The following MEGF10 variants were observed in gnomAD, a reference collection of about 807,000 sequenced individuals.
The protein encoded by MEGF10 is multiple EGF like domains 10.
A neutral mutation model predicts 147.5 loss-of-function variants in MEGF10; 86 were observed. That is an observed-to-expected ratio of 0.58 (90% CI 0.49 to 0.70). The LOEUF is 0.70. MEGF10 is among the 30% of genes least tolerant of loss of function. The pLI, the probability that MEGF10 is intolerant of heterozygous loss-of-function variation, is 0.00. For missense variants in MEGF10, 1,329 were observed against 1,487.3 expected, an observed-to-expected ratio of 0.89 and a Z score of 1.75; for synonymous variants, 478 against 525.5, an observed-to-expected ratio of 0.91 and a Z score of 1.24.
the MEGF10 span, among the ~76,000 whole-genome samples, chr5:127,266,732 T>C: frequency 5.5e-4 from 84 of 152,364 alleles, no homozygotes; most frequent in Non-Finnish European, 9.7e-4. Context: ...TGTCTGTTAT[T>C]GGTGTATAAG....
rs546927461 is a variant in MEGF10 at position 127,333,347 on chromosome 5, C to A, written c.116+1923C>A. 1.6e-4 allele frequency among the ~76,000 whole-genome samples: 25 copies of A among 152,120 alleles called. No homozygotes were observed. The East Asian group carries it at 4.3e-3, about 26-fold the overall frequency. ...CCTGGCCAACATGGCAAAGCCCCATCTTTACTAAAAATACAAAAAGCCAAG... is the reference window on the plus strand; with the variant it reads ...CCTGGCCAACATGGCAAAGCCCCATATTTACTAAAAATACAAAAAGCCAAG... On this transcript the variant is annotated intron_variant, in intron 2 of 24. Transcript: ENST00000503335.
rs1381591114 is a variant in MEGF10 at position 127,420,105 on chromosome 5, C to A, written c.1488C>A (p.Asn496Lys). Residue 496 changes from asparagine (N) to lysine (K), a missense_variant, in exon 12 of 25, where the codon AAC (asparagine) becomes AAA (lysine). Asn to Lys is a moderately conservative substitution (Grantham distance 94). Transcript: ENST00000503335. ...GTGGCACATGGGGCTTTGGCTGTAA[C>A]TTAACATGCCAGTGCCTCAACGGGG... ...CPSGTWGFGC[N>K]LTCQCLNGGA... The A allele has an allele frequency of 6.2e-7, 1 of 1,614,214 alleles. No homozygotes were observed. The highest frequency in any genetic ancestry group is 8.5e-7 in the Non-Finnish European group (1 of 1,180,036).
At chr5:127,388,830 C>A (rs1006749490) in intron 5 of MEGF10, among the ~76,000 whole-genome samples, 1 of 152,186 alleles carries the variant, frequency 6.6e-6, no homozygotes, top group Non-Finnish European at 1.5e-5. Context: ...CAGGCATGAG[C>A]CACTGCCCCT....
intron 7 of MEGF10, among the ~76,000 whole-genome samples, chr5:127,401,295 C>A (rs1019601366): frequency 2.0e-5 from 3 of 152,196 alleles, no homozygotes; most frequent in African/African-American, 7.2e-5. Context: ...GTTACCTTAT[C>A]TTTGATTCTC....
At chr5:127,317,129 A>G (rs1237973746) in intron 1 of MEGF10, among the ~76,000 whole-genome samples, 1 of 152,210 alleles carries the variant, frequency 6.6e-6, no homozygotes, top group African/African-American at 2.4e-5. Context: ...AATTTTACCT[A>G]AAAGGCAAGC....
intron 13 of MEGF10, among the ~76,000 whole-genome samples, chr5:127,428,450 C>G (rs1765281270): frequency 6.6e-6 from 1 of 152,062 alleles, no homozygotes; most frequent in Non-Finnish European, 1.5e-5. Flanking sequence ...ATGGATATAC[C>G]AGTGAATAAC....
chr5:127,341,829 C>CT (rs1478084195), intron 4 of MEGF10, among the ~76,000 whole-genome samples: 1 of 152,104 alleles, frequency 6.6e-6, no homozygotes, highest in East Asian at 1.9e-4. Flanking sequence ...TTTAATCAAT[C>CT]TCAGCTGTTG....
At chr5:127,326,360 A>C (rs764780957) in intron 1 of MEGF10, among the ~76,000 whole-genome samples, 16 of 152,212 alleles carry the variant, frequency 1.1e-4, no homozygotes, top group Non-Finnish European at 2.2e-4. Context: ...AACAAAGTAA[A>C]TATAGCACTT....
At chr5:127,345,971 C>A (rs1761870156) in intron 4 of MEGF10, among the ~76,000 whole-genome samples, 1 of 152,108 alleles carries the variant, frequency 6.6e-6, no homozygotes, top group Non-Finnish European at 1.5e-5. Flanking sequence ...TCCTGAGTGA[C>A]TTCACTTAGA....
intron 4 of MEGF10, among the ~76,000 whole-genome samples, chr5:127,350,728 G>A (rs1472181119): frequency 1.3e-5 from 2 of 151,836 alleles, no homozygotes; most frequent in African/African-American, 4.8e-5. Context: ...AAACACCTAG[G>A]CCACTTCAAA....
At chr5:127,345,783 G>C (rs1357512878) in intron 4 of MEGF10, among the ~76,000 whole-genome samples, 2 of 152,004 alleles carry the variant, frequency 1.3e-5, no homozygotes, top group African/African-American at 2.4e-5. Flanking sequence ...CTGAGATTTT[G>C]GTGCACCCAT....
chr5:127,307,360 G>C (rs1037012013), intron 1 of MEGF10, among the ~76,000 whole-genome samples: 6 of 152,186 alleles, frequency 3.9e-5, no homozygotes, highest in Non-Finnish European at 7.3e-5. Context: ...TGAGTGGTGA[G>C]AATGGGGTGG....
At chr5:127,325,887 G>GTA (rs1189933388) in intron 1 of MEGF10, among the ~76,000 whole-genome samples, 91 of 49,462 alleles carry the variant, frequency 1.8e-3, no homozygotes, top group African/African-American at 4.1e-3. Context: ...GTGTGTGTGT[G>GTA]TATATATATA....
rs564473410 is a variant in MEGF10, at chr5:127,392,780, A to G, written c.413-3752A>G. Among the ~76,000 whole-genome samples, 8 of 152,286 alleles carry G rather than the reference A, an allele frequency of 5.3e-5. No individual in the cohort carries two copies. The South Asian group carries it at 1.2e-3, about 24-fold the overall frequency. On this transcript the variant is annotated intron_variant, in intron 5 of 24. Coordinates refer to ENST00000503335, the MANE Select transcript of MEGF10 (RefSeq NM_001256545.2). Reference sequence around the variant, plus strand: ...AAGATCCAGTTCTCTACTAGTTTTCACTTACGGACTGGAGCTTGGATTATA... The same window carrying G: ...AAGATCCAGTTCTCTACTAGTTTTCGCTTACGGACTGGAGCTTGGATTATA...
At chr5:127,349,892 CTGAT>C (rs1204515672) in intron 4 of MEGF10, among the ~76,000 whole-genome samples, 3 of 152,058 alleles carry the variant, frequency 2.0e-5, no homozygotes, top group Admixed American at 2.0e-4. Context: ...GTTGGCTACT[CTGAT>C]TGATTAAATT....
At position 127,358,121 on chromosome 5, in the gene MEGF10, C is replaced by T. The variant is rs117067931; in HGVS notation, c.320-11789C>T. ...CTTGATTTATACATTTGAATTAAGA[C>T]TTTCATACCGAAATGCAAAGGTTCC... is the stretch of plus-strand genomic sequence containing the variant. On this transcript the variant is annotated intron_variant, in intron 4 of 24. Transcript: ENST00000503335. Among the ~76,000 whole-genome samples the T allele has an allele frequency of 2.4e-4, 37 of 152,310 alleles. 1 individual carries two copies. In the East Asian group the frequency reaches 7.2e-3, roughly 29 times the overall value.
intron 7 of MEGF10, among the ~76,000 whole-genome samples, chr5:127,400,300 A>G (rs1764076525): frequency 1.3e-5 from 2 of 152,224 alleles, no homozygotes; most frequent in Admixed American, 1.3e-4. Context: ...GAGGATGAAG[A>G]CAAGGTGAAA....
At chr5:127,424,597 AACTG>A in intron 13 of MEGF10, 1 of 1,345,442 alleles carries the variant, frequency 7.4e-7, no homozygotes, top group African/African-American at 1.5e-5. Context: ...AACTGAGATG[AACTG>A]TCATGTGCTT....
rs561174012 is a variant in MEGF10 at position 127,340,729 on chromosome 5, G to A, written c.319+99G>A. On this transcript the variant is annotated intron_variant, in intron 4 of 24. Transcript: ENST00000503335. ...GAGACAGAGGTCTGGGGAGATGGGTGTCTTGGAACATTCCTTTTCCCTCTG... is the reference window on the plus strand; with the variant it reads ...GAGACAGAGGTCTGGGGAGATGGGTATCTTGGAACATTCCTTTTCCCTCTG... 3.5e-5 allele frequency: 31 copies of A among 896,782 alleles called. No homozygotes were observed. In the African/African-American group the frequency reaches 4.8e-4, roughly 14 times the overall value. 55.6% of individuals were successfully genotyped at this position (896,782 alleles called of 1,614,324 possible).
Sources: gnomAD v4.1 joint callset for allele counts (sites outside exome capture counted in the v4.1 genomes callset) on GRCh38, gnomAD v4.1.1 for gene constraint, MANE v1.5 for transcripts, NCBI Gene and HGNC (gene_info 2026-07-23, HGNC 2026-07-21) for gene names.